DCDC1: variants seen among roughly 807,000 people sequenced by gnomAD.
DCDC1 encodes doublecortin domain-containing protein 1.
In DCDC1, 200 loss-of-function variants were observed where a neutral mutation model predicts 178.3. The ratio of observed to expected loss-of-function variants is 1.12; its 90% CI spans 1.00 to 1.26. The LOEUF (loss-of-function observed/expected upper bound fraction) is 1.26, where lower values mean the gene tolerates loss of function less well. Ranked by LOEUF, DCDC1 falls within the 50% of genes most tolerant of loss-of-function variation. The probability of loss-of-function intolerance (pLI) is 0.00; values close to 1 mark genes in which losing one functional copy is unlikely to be tolerated. For synonymous variants in DCDC1, 690 were observed against 604.8 expected, an observed-to-expected ratio of 1.14 and a Z score of -2.07; for missense variants, 1,983 against 1,749.2, an observed-to-expected ratio of 1.13 and a Z score of -2.38.
intron 21 of DCDC1, among the ~76,000 whole-genome samples, chr11:30,951,012 T>C (rs1263229460): frequency 1.3e-5 from 2 of 152,012 alleles, no homozygotes; most frequent in Non-Finnish European, 2.9e-5. Context: ...CCATAATAAT[T>C]ATAAATAAAT....
intron 9 of DCDC1, among the ~76,000 whole-genome samples, chr11:31,229,995 T>TA (rs1975556765): frequency 6.6e-6 from 1 of 152,112 alleles, no homozygotes; most frequent in African/African-American, 2.4e-5. Flanking sequence ...ATATAGTACT[T>TA]AAAGTCCTAG....
intron 7 of DCDC1, among the ~76,000 whole-genome samples, chr11:31,276,511 T>A (rs1386298516): frequency 2.0e-5 from 3 of 152,150 alleles, no homozygotes; most frequent in Non-Finnish European, 4.4e-5. Context: ...GTCAAATAGT[T>A]TATGAATTTT....
chr11:30,925,461 A>T, intron 22 of DCDC1, 53 bp from the exon 23 acceptor site: 1 of 1,501,432 alleles, frequency 6.7e-7, no homozygotes, highest in Non-Finnish European at 9.2e-7. Context: ...TTCCAGCAGC[A>T]AAGAGAGAAA....
chr11:31,076,348 A>C (rs1413198909), intron 18 of DCDC1, among the ~76,000 whole-genome samples: 1 of 151,842 alleles, frequency 6.6e-6, no homozygotes, highest in Non-Finnish European at 1.5e-5. Context: ...AATTTAATTT[A>C]ATTTAATTTT....
intron 21 of DCDC1, among the ~76,000 whole-genome samples, chr11:30,934,901 T>C (rs528564024): frequency 6.6e-6 from 1 of 152,312 alleles, no homozygotes; most frequent in South Asian, 2.1e-4. Context: ...GTTTTTACCC[T>C]TTTAGGGTCA....
chr11:30,950,800 G>A (rs1274503454), intron 21 of DCDC1, among the ~76,000 whole-genome samples: 1 of 152,024 alleles, frequency 6.6e-6, no homozygotes. Context: ...TCAGTAGCAC[G>A]ATAGAATGAC....
chr11:30,961,423 A>T (rs1949091100), intron 20 of DCDC1, among the ~76,000 whole-genome samples: 2 of 152,106 alleles, frequency 1.3e-5, no homozygotes, highest in Non-Finnish European at 2.9e-5. Context: ...CAGATATTCC[A>T]GCAAATTCCA....
At chr11:30,960,053 T>A in intron 20 of DCDC1, among the ~76,000 whole-genome samples, 1 of 152,096 alleles carries the variant, frequency 6.6e-6, no homozygotes, top group South Asian at 2.1e-4. Context: ...TGAGGAGCAA[T>A]CTAAATCTCT....
chr11:30,971,603 G>GTTTT lies in DCDC1; in HGVS notation c.2592-19039_2592-19036dup, dbSNP rs71060475. On this transcript the variant is annotated intron_variant, in intron 20 of 38. Transcript: ENST00000684477. The stretch of plus-strand genomic sequence containing the variant: ...TTTCTGAACTTAAAAACAGGCCTTT[G>GTTTT]TTTTTTTTTTTTTTTTTTTTTTTTG... 2.0e-3 allele frequency among the ~76,000 whole-genome samples: 169 copies of GTTTT among 83,556 alleles called. 5 individuals carry two copies. The highest frequency in any genetic ancestry group is 6.4e-3 in the African/African-American group (126 of 19,768). 54.8% of individuals were successfully genotyped at this position (83,556 alleles called of 152,430 possible).
chr11:31,345,502 C>G (rs77739204), intron 1 of DCDC1, among the ~76,000 whole-genome samples: 1 of 152,196 alleles, frequency 6.6e-6, no homozygotes, highest in East Asian at 1.9e-4. Flanking sequence ...CTCTACTACA[C>G]ACTCTTTCAT....
At chr11:31,324,351 A>G (rs189596854) in intron 3 of DCDC1, among the ~76,000 whole-genome samples, 86 of 152,178 alleles carry the variant, frequency 5.7e-4, no homozygotes, top group Non-Finnish European at 1.1e-3. Flanking sequence ...AGTATACAGG[A>G]ATAAAAATAA....
intron 32 of DCDC1, 81 bp from the exon 33 acceptor site, chr11:30,900,579 T>C: frequency 8.0e-7 from 1 of 1,244,404 alleles, no homozygotes; most frequent in East Asian, 2.9e-5. Flanking sequence ...ATTCAAAATA[T>C]TTTATTATTC....
intron 3 of DCDC1, among the ~76,000 whole-genome samples, chr11:31,322,029 C>G (rs11031354): frequency 6.6e-6 from 1 of 152,164 alleles, no homozygotes; most frequent in Non-Finnish European, 1.5e-5. Context: ...ATTCCTTATT[C>G]TAAATCATTT....
At chr11:31,116,858 A>C (rs1265805368) in intron 11 of DCDC1, among the ~76,000 whole-genome samples, 2 of 152,150 alleles carry the variant, frequency 1.3e-5, no homozygotes, top group Non-Finnish European at 1.5e-5. Flanking sequence ...CTAAATGGTA[A>C]CTGGACCAAC....
chr11:31,264,091 A>G (rs944724067), intron 8 of DCDC1, among the ~76,000 whole-genome samples: 2 of 152,196 alleles, frequency 1.3e-5, no homozygotes, highest in Admixed American at 1.3e-4. Context: ...AACCAACTAA[A>G]TGTCCAAGAG....
chr11:30,868,969 A>G (rs1193442772), intron 38 of DCDC1, among the ~76,000 whole-genome samples: 1 of 152,200 alleles, frequency 6.6e-6, no homozygotes, highest in Admixed American at 6.5e-5. Flanking sequence ...ATCTTTCCTT[A>G]GCCTGCCTGC....
rs1292707613 is a variant in DCDC1 at position 31,306,314 on chromosome 11, T to C, written c.509A>G (p.Gln170Arg). The change falls in exon 5 of 39, where the codon CAA becomes CGA. Residue 170 changes from glutamine (Q) to arginine (R), a missense_variant. Gln to Arg is a conservative substitution (Grantham distance 43, BLOSUM62 1). Transcript: ENST00000684477. ...AGCTGTTACTTTAATCACTCTTGGT[T>C]GAAGTTTGTGTCTTTGAGACAATTT... is the stretch of plus-strand genomic sequence containing the variant. Reference protein sequence around the residue: ...WQKLSQRHKLQPRVIKVTAYK... With the variant: ...WQKLSQRHKLRPRVIKVTAYK... 1.2e-6 allele frequency: 2 copies of C among 1,611,242 alleles called. No individual in the cohort carries two copies. The highest frequency in any genetic ancestry group is 2.2e-5 in the South Asian group (2 of 90,684).
chr11:31,076,559 C>T (rs1179069557), intron 18 of DCDC1, among the ~76,000 whole-genome samples: 1 of 152,032 alleles, frequency 6.6e-6, no homozygotes, highest in Non-Finnish European at 1.5e-5. Context: ...GTTGCCCATG[C>T]TGGCCTCAAA....
Position 30,977,397 on chromosome 11 carries a change from A to G in DCDC1, c.2592-24829T>C, listed in dbSNP as rs1950161636. Among the ~76,000 whole-genome samples, 2 of 152,230 alleles carry G rather than the reference A, an allele frequency of 1.3e-5. 1 individual carries two copies. Among genetic ancestry groups the G allele is most frequent in the South Asian group, 4.1e-4 (2 of 4,832 alleles). On this transcript the variant is annotated intron_variant, in intron 20 of 38. Coordinates refer to ENST00000684477, the MANE Select transcript of DCDC1 (RefSeq NM_001387274.1). Reference sequence around the variant, plus strand: ...GGGACACCCCAAACACTCTGACTTGATCATTACACATTCATGCTTGTAATA... The same window carrying G: ...GGGACACCCCAAACACTCTGACTTGGTCATTACACATTCATGCTTGTAATA...
Sources: gnomAD v4.1 joint callset for allele counts (sites outside exome capture counted in the v4.1 genomes callset) on GRCh38, gnomAD v4.1.1 for gene constraint, MANE v1.5 for transcripts, NCBI Gene and HGNC (gene_info 2026-07-23, HGNC 2026-07-21) for gene names.